TCF7L2: variants seen among roughly 807,000 people sequenced by gnomAD.
The protein encoded by TCF7L2 is transcription factor 7 like 2, also known as transcription factor 7-like 2.
A neutral mutation model predicts 77.9 loss-of-function variants in TCF7L2; 23 were observed. The ratio of observed to expected loss-of-function variants is 0.30; its 90% CI spans 0.21 to 0.42. TCF7L2 has a LOEUF of 0.42. TCF7L2 is among the 10% of genes least tolerant of loss of function. The pLI, the probability that TCF7L2 is intolerant of heterozygous loss-of-function variation, is 1.00. For missense variants in TCF7L2, 654 were observed against 793.1 expected (o/e 0.82, Z 2.11); for synonymous variants, 413 against 340.2 (o/e 1.21, Z -2.36).
At chr10:113,112,568 A>G (rs2063270612) in intron 5 of TCF7L2, among the ~76,000 whole-genome samples, 1 of 152,246 alleles carries the variant, frequency 6.6e-6, no homozygotes, top group African/African-American at 2.4e-5. Context: ...TGTAAAGGGC[A>G]CAGCAATTTC....
chr10:113,067,852 G>GTTTTTGTTTGT (rs1554999619), intron 5 of TCF7L2, among the ~76,000 whole-genome samples: 1 of 151,620 alleles, frequency 6.6e-6, no homozygotes, highest in Non-Finnish European at 1.5e-5. Flanking sequence ...TGATCTGTGG[G>GTTTTTGTTTGT]TTTTGTTTGT....
intron 5 of TCF7L2, among the ~76,000 whole-genome samples, chr10:113,042,270 C>CT (rs1235756863): frequency 5.9e-5 from 9 of 152,186 alleles, no homozygotes; most frequent in Admixed American, 1.3e-4. Flanking sequence ...TCTTAGCAGG[C>CT]GTGTTGACCA....
intron 5 of TCF7L2, among the ~76,000 whole-genome samples, chr10:113,090,817 C>T (rs1215371234): frequency 6.6e-6 from 1 of 151,970 alleles, no homozygotes; most frequent in Non-Finnish European, 1.5e-5. Context: ...ACCCTGTTAG[C>T]CAGGATGGTC....
chr10:113,127,334 GA>G, intron 5 of TCF7L2, among the ~76,000 whole-genome samples: 1 of 149,854 alleles, frequency 6.7e-6, no homozygotes, highest in Non-Finnish European at 1.5e-5. Flanking sequence ...TTTTCGTAAA[GA>G]ATCAGCATTT....
chr10:113,048,270 G>T (rs1207398541), intron 5 of TCF7L2, among the ~76,000 whole-genome samples: 1 of 152,142 alleles, frequency 6.6e-6, no homozygotes, highest in African/African-American at 2.4e-5. Context: ...AAACAAAATT[G>T]TTCATTTGGC....
intron 5 of TCF7L2, among the ~76,000 whole-genome samples, chr10:113,090,855 G>A (rs368276340): frequency 2.6e-5 from 4 of 152,080 alleles, no homozygotes; most frequent in African/African-American, 4.8e-5. Flanking sequence ...TGATCCGCCC[G>A]CCTCGGCCTC....
intron 3 of TCF7L2, among the ~76,000 whole-genome samples, chr10:112,952,383 C>G (rs2031970493): frequency 6.6e-6 from 1 of 152,076 alleles, no homozygotes; most frequent in Non-Finnish European, 1.5e-5. Flanking sequence ...CCCTGGGCGC[C>G]GTGGCGGGCT....
At chr10:113,152,657 G>A (rs751511295) in intron 11 of TCF7L2, among the ~76,000 whole-genome samples, 2 of 152,170 alleles carry the variant, frequency 1.3e-5, no homozygotes, top group Non-Finnish European at 2.9e-5. Flanking sequence ...TCTTCAGGGT[G>A]GAGAGAGGAG....
In TCF7L2 at chr10:113,158,791, T is replaced by C. The variant is rs1306313023; in HGVS notation, c.1318+722T>C. 4.8e-6 allele frequency: 7 copies of C among 1,472,480 alleles called. No homozygotes were observed. In the African/African-American group the frequency reaches 9.8e-5, roughly 21 times the overall value. The allele number at this position is 1,472,480 out of a possible 1,614,324, so 91.2% of individuals were successfully genotyped here. ...AATTTTTCTTGCCATTATAGTTTTA[T>C]TAACATTTAAACACGTATGACATTT... On this transcript the variant is annotated intron_variant, in intron 12 of 13. Transcript: ENST00000627217.
chr10:113,104,549 A>AT (rs1268498846), intron 5 of TCF7L2, among the ~76,000 whole-genome samples: 2 of 152,058 alleles, frequency 1.3e-5, no homozygotes, highest in African/African-American at 4.8e-5. Context: ...GCAGCCTGTG[A>AT]TTTTTTTGGT....
intron 3 of TCF7L2, among the ~76,000 whole-genome samples, chr10:112,954,099 T>C (rs2032820990): frequency 1.3e-5 from 2 of 152,208 alleles, no homozygotes; most frequent in African/African-American, 4.8e-5. Context: ...GCAATCCAGA[T>C]TTGATACAGC....
intron 5 of TCF7L2, among the ~76,000 whole-genome samples, chr10:113,053,828 T>G (rs966562001): frequency 1.3e-5 from 2 of 152,176 alleles, no homozygotes; most frequent in South Asian, 4.1e-4. Context: ...GAGCTATTGT[T>G]ATTATCCCGA....
intron 5 of TCF7L2, among the ~76,000 whole-genome samples, chr10:113,132,355 C>T (rs2066736385): frequency 6.6e-6 from 1 of 152,118 alleles, no homozygotes; most frequent in African/African-American, 2.4e-5. Flanking sequence ...AACAAAAGAC[C>T]TTTTTATGCA....
intron 5 of TCF7L2, among the ~76,000 whole-genome samples, chr10:113,093,549 C>A (rs2060618311): frequency 6.6e-6 from 1 of 152,232 alleles, no homozygotes; most frequent in African/African-American, 2.4e-5. Flanking sequence ...ATTTCAAATT[C>A]ATTGTCCCTT....
At chr10:112,992,105 C>A (rs1402570177) in intron 4 of TCF7L2, among the ~76,000 whole-genome samples, 3 of 152,134 alleles carry the variant, frequency 2.0e-5, no homozygotes, top group South Asian at 2.1e-4. Flanking sequence ...TGGCAGGATG[C>A]AGACTCCAGG....
intron 4 of TCF7L2, among the ~76,000 whole-genome samples, chr10:112,978,250 C>T (rs929487940): frequency 5.3e-5 from 8 of 152,132 alleles, no homozygotes; most frequent in Non-Finnish European, 1.2e-4. Context: ...AAATCTCCCT[C>T]TCTATTTTTT....
intron 4 of TCF7L2, among the ~76,000 whole-genome samples, chr10:113,018,781 CT>C (rs1174740081): frequency 6.6e-6 from 1 of 152,090 alleles, no homozygotes; most frequent in Non-Finnish European, 1.5e-5. Context: ...CTCCTGAGTC[CT>C]TTTGTTTGTG....
intron 5 of TCF7L2, among the ~76,000 whole-genome samples, chr10:113,118,035 T>G (rs918784070): frequency 5.5e-5 from 8 of 144,428 alleles, no homozygotes; most frequent in Non-Finnish European, 9.0e-5. Flanking sequence ...AAAAACCAAG[T>G]TTTTTTTGGT....
chr10:113,100,437 G>A (rs12266881), intron 5 of TCF7L2, among the ~76,000 whole-genome samples: 3,334 of 152,172 alleles, frequency 0.022, 116 homozygotes, highest in African/African-American at 0.077. Context: ...GATTGACGTC[G>A]GAAACATGAT....
Sources: allele counts gnomAD v4.1 joint callset (sites outside exome capture counted in the v4.1 genomes callset), GRCh38; gene constraint gnomAD v4.1.1; transcripts MANE v1.5; gene names NCBI Gene and HGNC (gene_info 2026-07-23, HGNC 2026-07-21).